BPIFB4: variants seen among roughly 807,000 people sequenced by gnomAD.
BPIFB4 encodes BPI fold containing family B member 4.
BPIFB4 carries 62 observed loss-of-function variants against 69.2 expected under a neutral mutation model. The observed-to-expected ratio is 0.90, with a 90% confidence interval of 0.73 to 1.11. BPIFB4 has a LOEUF of 1.11. Among genes scored for constraint, BPIFB4 ranks in the 50% least tolerant of loss-of-function variants. The probability of loss-of-function intolerance (pLI) is 0.00; values close to 1 mark genes in which losing one functional copy is unlikely to be tolerated. For missense variants in BPIFB4, 789 were observed against 792.0 expected (o/e 1.00, Z 0.04); for synonymous variants, 330 against 332.7 (o/e 0.99, Z 0.09).
At chr20:33,093,662 A>C (rs1981675467) in intron 11 of BPIFB4, among the ~76,000 whole-genome samples, 3 of 138,108 alleles carry the variant, frequency 2.2e-5, no homozygotes, top group East Asian at 2.2e-4. Context: ...TCCATCCATC[A>C]ACCCATCCAT....
At chr20:33,089,353 T>C in intron 8 of BPIFB4, 145 bp from the exon 9 acceptor site, 1 of 1,325,040 alleles carries the variant, frequency 7.5e-7, no homozygotes, top group African/African-American at 1.5e-5. Flanking sequence ...AGAGACAGCC[T>C]TCCCCACAGG....
intron 9 of BPIFB4, among the ~76,000 whole-genome samples, 156 bp downstream of exon 9, chr20:33,089,714 C>T (rs566020293): frequency 4.9e-5 from 6 of 122,866 alleles, no homozygotes; most frequent in African/African-American, 1.6e-4. Flanking sequence ...CTGGCTTTCC[C>T]TCTTGCTCCC....
At chr20:33,081,447 G>C (rs1286539346) in intron 2 of BPIFB4, 65 bp from the exon 3 acceptor site, 5 of 1,531,496 alleles carry the variant, frequency 3.3e-6, no homozygotes, top group Admixed American at 2.0e-5. Context: ...GGGCTGCCTA[G>C]TGCTACCTGC....
chr20:33,096,338 C>A (rs921489981), intron 12 of BPIFB4, among the ~76,000 whole-genome samples: 2 of 152,200 alleles, frequency 1.3e-5, no homozygotes, highest in Non-Finnish European at 1.5e-5. Flanking sequence ...TGCAGTGGCA[C>A]AATCTCAGCT....
In BPIFB4 at chr20:33,100,349, G is replaced by A. The variant is rs368208747; in HGVS notation, c.1570-77G>A. 1.1e-5 allele frequency: 14 copies of A among 1,278,110 alleles called. No homozygotes were observed. In the African/African-American group the frequency reaches 1.5e-4, roughly 13 times the overall value. The allele number at this position is 1,278,110 out of a possible 1,614,324, so 79.2% of individuals were successfully genotyped here. A position where few individuals can be genotyped will look rare whatever the true frequency, so the allele number is the denominator to read the frequency against. On this transcript the variant is annotated intron_variant, in intron 13 of 17. Coordinates refer to ENST00000375483, the MANE Select transcript of BPIFB4 (RefSeq NM_182519.3). ...GTTAACGAAGCCCTAGCTAGCACTG[G>A]GCACACAATGAGCCTTTGGCAAGCA... is the stretch of plus-strand genomic sequence containing the variant.
At chr20:33,109,359 A>G (rs1165586217) in intron 17 of BPIFB4, among the ~76,000 whole-genome samples, 2 of 152,186 alleles carry the variant, frequency 1.3e-5, no homozygotes, top group Non-Finnish European at 2.9e-5. Context: ...ATAGTCTTTC[A>G]TGGACTTGGC....
At chr20:33,111,334 A>G in intron 17 of BPIFB4, 80 bp from the exon 18 acceptor site, 1 of 1,573,304 alleles carries the variant, frequency 6.4e-7, no homozygotes, top group Middle Eastern at 1.7e-4. Context: ...ATGACCGGCC[A>G]GATCCGTAGG....
chr20:33,080,918 G>A (rs1428836121), intron 2 of BPIFB4, among the ~76,000 whole-genome samples: 1 of 152,092 alleles, frequency 6.6e-6, no homozygotes, highest in Non-Finnish European at 1.5e-5. Context: ...AATAAATAGA[G>A]GGAGGAGAAT....
rs549727278 is a variant in BPIFB4 at position 33,083,360 on chromosome 20, C to T, written c.170-7C>T. Reference sequence around the variant, plus strand: ...CAATGACTACAGACGCATTGAATTCCCCCGAGGTGTTGGTGATATTCCCTA... The same window carrying T: ...CAATGACTACAGACGCATTGAATTCTCCCGAGGTGTTGGTGATATTCCCTA... On this transcript the variant is annotated splice_region_variant and splice_polypyrimidine_tract_variant and intron_variant, in intron 4 of 17. Coordinates refer to ENST00000375483, the MANE Select transcript of BPIFB4 (RefSeq NM_182519.3). 107 of 1,610,582 alleles carry T rather than the reference C, an allele frequency of 6.6e-5. No homozygotes were observed. The highest frequency in any genetic ancestry group is 8.7e-5 in the Non-Finnish European group (103 of 1,177,778).
chr20:33,087,204 C>T (rs1034120184), intron 7 of BPIFB4, among the ~76,000 whole-genome samples: 1 of 152,152 alleles, frequency 6.6e-6, no homozygotes. Context: ...TTGCATGGTT[C>T]ACAAACATAA....
intron 12 of BPIFB4, among the ~76,000 whole-genome samples, chr20:33,096,754 A>T (rs1442144486): frequency 6.6e-6 from 1 of 152,140 alleles, no homozygotes; most frequent in African/African-American, 2.4e-5. Context: ...AGCAGGGGGG[A>T]TTCAGGCTGG....
chr20:33,097,431 A>C (rs1463434563), intron 12 of BPIFB4, among the ~76,000 whole-genome samples, 186 bp from the exon 13 acceptor site: 1 of 152,148 alleles, frequency 6.6e-6, no homozygotes, highest in East Asian at 1.9e-4. Context: ...TAGTAACCCC[A>C]TGTGCAAGGC....
chr20:33,086,430 A>G (rs1012274134), intron 7 of BPIFB4, among the ~76,000 whole-genome samples: 2 of 152,178 alleles, frequency 1.3e-5, no homozygotes, highest in African/African-American at 4.8e-5. Context: ...TGCGACACAC[A>G]TTCTTTCCAG....
chr20:33,084,535 C>A (rs538475810), intron 5 of BPIFB4, among the ~76,000 whole-genome samples: 66 of 152,210 alleles, frequency 4.3e-4, no homozygotes, highest in African/African-American at 1.5e-3. Context: ...AAGTTGAAAT[C>A]TGAAGAATGT....
intron 3 of BPIFB4, among the ~76,000 whole-genome samples, chr20:33,082,485 C>T (rs975889944): frequency 1.3e-5 from 2 of 152,102 alleles, no homozygotes; most frequent in African/African-American, 4.8e-5. Context: ...AGGTGCCCAC[C>T]ACCACACCTG....
chr20:33,085,909 T>G lies in BPIFB4; in HGVS notation c.783-112T>G. ...AGTTCTGGGTTGGGTTCCTTAGAGA[T>G]GAGCAAGGAGCGTAGCAGATGGCAG... On this transcript the variant is annotated intron_variant, in intron 6 of 17. Coordinates refer to ENST00000375483, the MANE Select transcript of BPIFB4 (RefSeq NM_182519.3). 3 of 1,340,996 alleles carry G rather than the reference T, an allele frequency of 2.2e-6. No individual in the cohort carries two copies. The South Asian group carries it at 3.9e-5, about 18-fold the overall frequency. The allele number at this position is 1,340,996 out of a possible 1,614,324, so 83.1% of individuals were successfully genotyped here. A position where few individuals can be genotyped will look rare whatever the true frequency, so the allele number is the denominator to read the frequency against.
chr20:33,093,211 C>T (rs560691927), intron 11 of BPIFB4, among the ~76,000 whole-genome samples: 32 of 152,250 alleles, frequency 2.1e-4, no homozygotes, highest in African/African-American at 6.0e-4. Flanking sequence ...GTCCATTCAC[C>T]CTCCTACCCA....
chr20:33,089,013 A>G lies in BPIFB4; in HGVS notation c.974A>G (p.Asp325Gly). 1 of 1,613,918 alleles carries G rather than the reference A, an allele frequency of 6.2e-7. No homozygotes were observed. Among genetic ancestry groups the G allele is most frequent in the East Asian group, 2.2e-5 (1 of 44,862 alleles). The stretch of plus-strand genomic sequence containing the variant: ...AATTTAGTGAACCGAGTCCTGGCCG[A>G]CGTCCTCCCTGACTTGGTAAGAAGC... ...VDNLVNRVLADVLPDLLCPIV... is the reference protein window; with the variant it reads ...VDNLVNRVLAGVLPDLLCPIV... Residue 325 changes from aspartate to glycine, a missense_variant, in exon 8 of 18, where the codon GAC becomes GGC. By Grantham distance (94) the Asp-to-Gly change is moderately conservative (BLOSUM62 -1). Around this residue, in one of 3 missense-constraint regions of BPIFB4, gnomAD observed 611 missense variants for 575.4 expected, o/e 1.06. Transcript: ENST00000375483.
At chr20:33,087,773 C>T (rs1169925225) in intron 7 of BPIFB4, among the ~76,000 whole-genome samples, 8 of 124,942 alleles carry the variant, frequency 6.4e-5, no homozygotes, top group Admixed American at 1.7e-4. Flanking sequence ...TGCATACACA[C>T]ACATATATAT....
Sources: gnomAD v4.1 joint callset for allele counts (sites outside exome capture counted in the v4.1 genomes callset) on GRCh38, gnomAD v4.1.1 for gene constraint, gnomAD v4.1.1 regional missense constraint, MANE v1.5 for transcripts, NCBI Gene and HGNC (gene_info 2026-07-23, HGNC 2026-07-21) for gene names.